The following FBXW4 variants were observed in gnomAD, a reference collection of about 807,000 sequenced individuals.
The protein encoded by FBXW4 is F-box/WD repeat-containing protein 4.
FBXW4 carries 40 observed loss-of-function variants against 61.8 expected under a neutral mutation model. That is an observed-to-expected ratio of 0.65 (90% confidence interval 0.50 to 0.84). FBXW4 has a LOEUF of 0.84. Among genes scored for constraint, FBXW4 ranks in the 40% least tolerant of loss-of-function variants. The probability of loss-of-function intolerance (pLI) is 0.00; values close to 1 mark genes in which losing one functional copy is unlikely to be tolerated. For synonymous variants in FBXW4, 311 were observed against 313.8 expected, an observed-to-expected ratio of 0.99 and a Z score of 0.10; for missense variants, 672 against 753.8, an observed-to-expected ratio of 0.89 and a Z score of 1.27.
chr10:101,637,433 C>A (rs2064013931), intron 5 of FBXW4, among the ~76,000 whole-genome samples: 1 of 145,042 alleles, frequency 6.9e-6, no homozygotes, highest in Non-Finnish European at 1.5e-5. Flanking sequence ...ATGAGCCAGG[C>A]ATAGTGGCTC....
intron 5 of FBXW4, among the ~76,000 whole-genome samples, chr10:101,630,193 C>T (rs557471982): frequency 3.3e-5 from 5 of 152,340 alleles, no homozygotes; most frequent in Middle Eastern, 3.4e-3. Flanking sequence ...GGCACTGACA[C>T]GAGATACAAA....
At chr10:101,672,066 ATG>A (rs1564922123) in intron 4 of FBXW4, among the ~76,000 whole-genome samples, 2 of 152,218 alleles carry the variant, frequency 1.3e-5, no homozygotes, top group Non-Finnish European at 2.9e-5. Flanking sequence ...TCCTCTCCCT[ATG>A]TGTTTTAGAG....
chr10:101,678,146 A>G (rs2064435408), intron 1 of FBXW4, among the ~76,000 whole-genome samples: 1 of 152,236 alleles, frequency 6.6e-6, no homozygotes, highest in Non-Finnish European at 1.5e-5. Context: ...TAACAGCAAT[A>G]AGAGAAGAGA....
Position 101,611,002 on chromosome 10 carries a change from CCAGGCCAGATCCTTGCTCTGGCCAAA to C in FBXW4, c.*263_*288del, listed in dbSNP as rs1276982024. 5 of 303,390 alleles carry C rather than the reference CCAGGCCAGATCCTTGCTCTGGCCAAA, an allele frequency of 1.6e-5. No homozygotes were observed. The highest frequency in any genetic ancestry group is 6.2e-6 in the Non-Finnish European group (1 of 160,168). 18.8% of individuals were successfully genotyped at this position (303,390 alleles called of 1,614,324 possible). On this transcript the variant is annotated 3_prime_UTR_variant, in exon 9 of 9. Transcript: ENST00000331272. This position sits in a 1 kb window ranked among gnomAD's most constrained non-coding sequence, Gnocchi z 4.9. Reference sequence around the variant, plus strand: ...AATAAGGGGTATAGGATGGGCCTCTCCAGGCCAGATCCTTGCTCTGGCCAAACAGGGACGCAAGGCCCGGGTTCAGC... The same window carrying C: ...AATAAGGGGTATAGGATGGGCCTCTCCAGGGACGCAAGGCCCGGGTTCAGC...
chr10:101,648,130 C>A (rs73351212), intron 5 of FBXW4, among the ~76,000 whole-genome samples: 1 of 152,098 alleles, frequency 6.6e-6, no homozygotes, highest in Non-Finnish European at 1.5e-5. Flanking sequence ...AGATATCCTG[C>A]GATTTGGGTT....
chr10:101,617,707 G>A (rs1374070317), intron 6 of FBXW4, among the ~76,000 whole-genome samples: 1 of 152,212 alleles, frequency 6.6e-6, no homozygotes, highest in Non-Finnish European at 1.5e-5. Flanking sequence ...TAGATAAAAG[G>A]ATACAAAATT....
intron 2 of FBXW4, among the ~76,000 whole-genome samples, chr10:101,675,326 G>A (rs1382894276): frequency 2.0e-5 from 3 of 152,164 alleles, no homozygotes; most frequent in Non-Finnish European, 2.9e-5. Flanking sequence ...CTGGTAAACA[G>A]CCATTTGCCT....
chr10:101,668,104 AG>A (rs1413849384), intron 4 of FBXW4, 124 bp from the exon 5 acceptor site: 5 of 725,936 alleles, frequency 6.9e-6, no homozygotes, highest in South Asian at 3.2e-5. Context: ...CTGCACACAC[AG>A]AGCTCAGGTA....
chr10:101,660,239 C>T, intron 5 of FBXW4: 1 of 984,818 alleles, frequency 1.0e-6, no homozygotes, highest in Non-Finnish European at 1.2e-6. Flanking sequence ...AAAACTCCAG[C>T]TCCAGGAATT....
intron 5 of FBXW4, among the ~76,000 whole-genome samples, chr10:101,654,835 C>G (rs2064172927): frequency 6.6e-6 from 1 of 152,092 alleles, no homozygotes; most frequent in Non-Finnish European, 1.5e-5. Flanking sequence ...GGTTTTGTTA[C>G]TTTTTTGAGA....
At chr10:101,634,286 T>C (rs1217098691) in intron 5 of FBXW4, among the ~76,000 whole-genome samples, 1 of 126,442 alleles carries the variant, frequency 7.9e-6, no homozygotes, top group African/African-American at 3.2e-5. Context: ...CTAAAGAAAA[T>C]AGAATTGTTG....
rs1055107562 is a variant in FBXW4, at chr10:101,694,905, C to T, written c.201G>A (p.Glu67=). The change falls in exon 1 of 9, where the codon GAG becomes GAA. Residue 67 remains glutamate, a synonymous_variant. Coordinates refer to ENST00000331272, the MANE Select transcript of FBXW4 (RefSeq NM_022039.4). The surrounding 1 kb of genome is among the most constrained non-coding windows in gnomAD (Gnocchi z 6.0). ...EGKPGPQTAK[E]AAGPGADAGA... ...CCGCGTCAGCCCCCGGCCCGGCTGC[C>T]TCCTTCGCCGTCTGCGGCCCGGGCT... 2.4e-6 allele frequency: 3 copies of T among 1,235,258 alleles called. No homozygotes were observed. The African/African-American group carries it at 4.7e-5, about 19-fold the overall frequency. The allele number at this position is 1,235,258 out of a possible 1,614,324, so 76.5% of individuals were successfully genotyped here.
intron 1 of FBXW4, among the ~76,000 whole-genome samples, chr10:101,682,620 G>A (rs1006194112): frequency 3.9e-5 from 6 of 152,110 alleles, no homozygotes; most frequent in African/African-American, 1.4e-4. Context: ...TCCTGAATTG[G>A]AATAAAGACA....
At chr10:101,632,810 T>A (rs1314702930) in intron 5 of FBXW4, among the ~76,000 whole-genome samples, 1 of 152,156 alleles carries the variant, frequency 6.6e-6, no homozygotes, top group East Asian at 1.9e-4. Context: ...AACTGACCGG[T>A]TCAGACTTCC....
At chr10:101,637,538 T>C (rs78779213) in intron 5 of FBXW4, among the ~76,000 whole-genome samples, 1 of 149,376 alleles carries the variant, frequency 6.7e-6, no homozygotes, top group Non-Finnish European at 1.5e-5. Context: ...TGAAACCCCA[T>C]CTCTACTAAA....
At position 101,617,277 on chromosome 10, in the gene FBXW4, T is replaced by C. The variant is rs193107775; in HGVS notation, c.1302-4800A>G. 2.3e-3 allele frequency among the ~76,000 whole-genome samples: 346 copies of C among 152,234 alleles called. 2 individuals carry two copies. Among genetic ancestry groups the C allele is most frequent in the African/African-American group, 8.1e-3 (336 of 41,532 alleles). The stretch of plus-strand genomic sequence containing the variant: ...CTTAGATCTATATGCTTCAGGGTGG[T>C]GGCACTCCCCACCTTCACAGACAAT... On this transcript the variant is annotated intron_variant, in intron 6 of 8. Transcript: ENST00000331272.
At chr10:101,671,139 T>C (rs1055457573) in intron 4 of FBXW4, among the ~76,000 whole-genome samples, 5 of 152,076 alleles carry the variant, frequency 3.3e-5, no homozygotes, top group African/African-American at 4.8e-5. Flanking sequence ...CTGAATACAA[T>C]AGTAATGTAG....
chr10:101,617,271 G>A (rs931945959), intron 6 of FBXW4, among the ~76,000 whole-genome samples: 8 of 152,258 alleles, frequency 5.3e-5, no homozygotes, highest in Middle Eastern at 3.4e-3. Flanking sequence ...ATATGCTTCA[G>A]GGTGGTGGCA....
intron 6 of FBXW4, among the ~76,000 whole-genome samples, chr10:101,616,836 C>T (rs1377855955): frequency 6.6e-6 from 1 of 152,216 alleles, no homozygotes; most frequent in African/African-American, 2.4e-5. Context: ...CAGTGATTGT[C>T]CTAGTCCAGG....
Sources: gnomAD v4.1 joint callset for allele counts (sites outside exome capture counted in the v4.1 genomes callset) on GRCh38, gnomAD v4.1.1 for gene constraint, Gnocchi (gnomAD v3.1) non-coding constraint, MANE v1.5 for transcripts, NCBI Gene and HGNC (gene_info 2026-07-23, HGNC 2026-07-21) for gene names.